TAF4B: variants seen among roughly 807,000 people sequenced by gnomAD.
TAF4B encodes transcription initiation factor TFIID subunit 4B.
TAF4B carries 38 observed loss-of-function variants against 86.4 expected under a neutral mutation model. That is an observed-to-expected ratio of 0.44 (90% CI 0.34 to 0.58). The LOEUF (loss-of-function observed/expected upper bound fraction) is 0.58. TAF4B is among the 20% of genes least tolerant of loss of function. The pLI is 0.02. For synonymous variants in TAF4B, 388 were observed against 391.2 expected (o/e 0.99, Z 0.10); for missense variants, 988 against 1,027.6 (o/e 0.96, Z 0.53).
intron 9 of TAF4B, among the ~76,000 whole-genome samples, chr18:26,297,533 T>G (rs957123926): frequency 4.1e-4 from 63 of 152,320 alleles, no homozygotes; most frequent in South Asian, 4.1e-4. Context: ...CTATTCTGTT[T>G]TAGTTGGGTA....
At chr18:26,250,277 C>T (rs2055986061) in intron 1 of TAF4B, among the ~76,000 whole-genome samples, 1 of 152,136 alleles carries the variant, frequency 6.6e-6, no homozygotes, top group African/African-American at 2.4e-5. Flanking sequence ...GCAGGCGGAT[C>T]ACGAGGTCAG....
intron 14 of TAF4B, among the ~76,000 whole-genome samples, chr18:26,372,273 A>G (rs2057410586): frequency 6.6e-6 from 1 of 152,218 alleles, no homozygotes; most frequent in South Asian, 2.1e-4. Flanking sequence ...GATTTGAAAA[A>G]TGCAAGAGTG....
chr18:26,284,990 T>C (rs1163241844), intron 6 of TAF4B, among the ~76,000 whole-genome samples: 1 of 151,938 alleles, frequency 6.6e-6, no homozygotes, highest in Non-Finnish European at 1.5e-5. Flanking sequence ...TTTTTTGAGA[T>C]GAGGTTTTGC....
At chr18:26,294,167 G>C (rs907231003) in intron 9 of TAF4B, among the ~76,000 whole-genome samples, 6 of 152,116 alleles carry the variant, frequency 3.9e-5, no homozygotes, top group Non-Finnish European at 7.4e-5. Flanking sequence ...CATTAGGTAA[G>C]TGTGAATTTT....
chr18:26,369,873 A>G (rs2057395513), intron 14 of TAF4B, among the ~76,000 whole-genome samples: 1 of 152,184 alleles, frequency 6.6e-6, no homozygotes, highest in South Asian at 2.1e-4. Context: ...GAGGAGTAGC[A>G]CCTTAAAAGA....
intron 1 of TAF4B, among the ~76,000 whole-genome samples, chr18:26,257,160 C>G (rs983879045): frequency 2.0e-5 from 3 of 152,072 alleles, no homozygotes; most frequent in African/African-American, 7.2e-5. Flanking sequence ...CTGTTTAGTT[C>G]TATTCTTCAT....
chr18:26,227,649 TATGA>T (rs1264049929), intron 1 of TAF4B, among the ~76,000 whole-genome samples: 3 of 152,136 alleles, frequency 2.0e-5, no homozygotes, highest in Non-Finnish European at 4.4e-5. Flanking sequence ...TTTTATTAAT[TATGA>T]ATGAATGAAT....
intron 5 of TAF4B, among the ~76,000 whole-genome samples, chr18:26,280,712 T>C (rs1263526819): frequency 1.3e-5 from 2 of 152,176 alleles, no homozygotes; most frequent in African/African-American, 4.8e-5. Context: ...GAATGTAAAT[T>C]AGGTTAGCTA....
intron 9 of TAF4B, chr18:26,295,267 G>T: frequency 5.8e-6 from 2 of 343,946 alleles, no homozygotes; most frequent in South Asian, 2.3e-5. Flanking sequence ...TCATCTCTTG[G>T]TTGGATGAAG....
At chr18:26,286,583 A>G (rs2056526427) in intron 7 of TAF4B, 84 bp downstream of exon 7, 4 of 1,427,870 alleles carry the variant, frequency 2.8e-6, no homozygotes, top group South Asian at 1.4e-5. Flanking sequence ...GTAGAAAACT[A>G]GTAAGGCTAT....
intron 14 of TAF4B, among the ~76,000 whole-genome samples, chr18:26,364,272 G>C (rs1021915351): frequency 4.6e-5 from 7 of 152,150 alleles, no homozygotes; most frequent in African/African-American, 1.4e-4. Context: ...AAGCTTATTG[G>C]CTAGTGGGTC....
intron 13 of TAF4B, among the ~76,000 whole-genome samples, chr18:26,353,770 T>G (rs56161212): frequency 0.11 from 17,255 of 152,196 alleles, 1,017 homozygotes; most frequent in African/African-American, 0.15. Flanking sequence ...GAAAGACAAA[T>G]AGATTGGAGA....
intron 13 of TAF4B, among the ~76,000 whole-genome samples, chr18:26,357,319 T>A (rs1477410900): frequency 5.3e-5 from 8 of 152,234 alleles, no homozygotes; most frequent in Non-Finnish European, 2.9e-5. Context: ...TGTCTTTATT[T>A]TAAAGTGAAT....
chr18:26,383,693 T>C (rs1418420430), intron 14 of TAF4B, among the ~76,000 whole-genome samples: 1 of 152,214 alleles, frequency 6.6e-6, no homozygotes, highest in African/African-American at 2.4e-5. Flanking sequence ...TTGAAGCCAG[T>C]GATTCCGTGT....
Position 26,261,172 on chromosome 18 carries a change from ATTTTTT to A in TAF4B, c.344-3976_344-3971del, listed in dbSNP as rs71169839. ...CACATCCTTGAACATGAGCACTGTC[ATTTTTT>A]TTTTTTTTTTTTTTTTTTTTTGAGA... On this transcript the variant is annotated intron_variant, in intron 1 of 14. Transcript: ENST00000269142. 4.5e-3 allele frequency among the ~76,000 whole-genome samples: 349 copies of A among 77,112 alleles called. 1 individual carries two copies. The highest frequency in any genetic ancestry group is 0.02 in the Middle Eastern group (2 of 102). The allele number at this position is 77,112 out of a possible 152,430, so 50.6% of individuals were successfully genotyped here.
chr18:26,337,954 AC>A (rs2057106276), intron 13 of TAF4B, among the ~76,000 whole-genome samples: 1 of 152,124 alleles, frequency 6.6e-6, no homozygotes, highest in African/African-American at 2.4e-5. Context: ...TTTCAAACCT[AC>A]CTACCAGGCT....
At chr18:26,330,724 C>T (rs1182862830) in intron 12 of TAF4B, among the ~76,000 whole-genome samples, 1 of 152,144 alleles carries the variant, frequency 6.6e-6, no homozygotes, top group Non-Finnish European at 1.5e-5. Context: ...AACTCCAATC[C>T]AGTGCCTCAG....
intron 1 of TAF4B, among the ~76,000 whole-genome samples, chr18:26,248,102 C>T (rs1234117942): frequency 8.1e-5 from 5 of 61,632 alleles, no homozygotes; most frequent in Admixed American, 1.9e-4. Flanking sequence ...CCTTGAACTC[C>T]TGGGCTCAAG....
In TAF4B at chr18:26,226,949, A is replaced by G. The variant is rs1462413217; in HGVS notation, c.16A>G (p.Thr6Ala). ...CCCCTGGGGGATGCCCGCCGGCCTCACCGAACCCGCCGGCGCCGCTCCCCC... is the reference window on the plus strand; with the variant it reads ...CCCCTGGGGGATGCCCGCCGGCCTCGCCGAACCCGCCGGCGCCGCTCCCCC... MPAGL[T>A]EPAGAAPPAA... is the part of the protein sequence containing the mutation. Residue 6 changes from threonine to alanine, a missense_variant, in exon 1 of 15, where the codon ACC becomes GCC. By Grantham distance (58) the Thr-to-Ala change is moderately conservative (BLOSUM62 0). Transcript: ENST00000269142. 2.6e-5 allele frequency: 36 copies of G among 1,378,222 alleles called. No homozygotes were observed. The South Asian group carries it at 5.1e-4, about 20-fold the overall frequency. 85.4% of individuals were successfully genotyped at this position (1,378,222 alleles called of 1,614,324 possible).
Sources: allele counts gnomAD v4.1 joint callset (sites outside exome capture counted in the v4.1 genomes callset), GRCh38; gene constraint gnomAD v4.1.1; transcripts MANE v1.5; gene names NCBI Gene and HGNC (gene_info 2026-07-23, HGNC 2026-07-21).